CACNG3: variants seen among roughly 807,000 people sequenced by gnomAD.
CACNG3 encodes the protein voltage-dependent calcium channel gamma-3 subunit.
A neutral mutation model predicts 28.5 loss-of-function variants in CACNG3; 3 were observed. The ratio of observed to expected loss-of-function variants is 0.11; its 90% CI spans 0.05 to 0.27. The LOEUF (loss-of-function observed/expected upper bound fraction) is 0.27, where lower values mean the gene tolerates loss of function less well. CACNG3 is among the 10% of genes least tolerant of loss of function. CACNG3 has a pLI of 1.00. For missense variants in CACNG3, 236 were observed against 414.4 expected (o/e 0.57, Z 3.74); for synonymous variants, 174 against 162.2 (o/e 1.07, Z -0.55).
At chr16:24,285,365 G>A (rs6497729) in intron 1 of CACNG3, among the ~76,000 whole-genome samples, 102,744 of 152,050 alleles carry the variant, frequency 0.68, 34,847 homozygotes, top group East Asian at 0.82. Context: ...CACCTAGTGA[G>A]ACTATTCAAA....
At chr16:24,327,664 G>A (rs761532303) in intron 1 of CACNG3, among the ~76,000 whole-genome samples, 7 of 151,250 alleles carry the variant, frequency 4.6e-5, no homozygotes, top group Non-Finnish European at 8.8e-5. Context: ...AAAACAGGCC[G>A]GGTGCAGTGG....
chr16:24,281,525 A>T (rs1339910140), intron 1 of CACNG3, among the ~76,000 whole-genome samples: 1 of 152,112 alleles, frequency 6.6e-6, no homozygotes. Context: ...GTGTACTTGA[A>T]TCCAGCATAA....
intron 1 of CACNG3, among the ~76,000 whole-genome samples, chr16:24,312,970 G>GAAAGAAAGAGAAAGAAAGA (rs1899291302): frequency 1.5e-5 from 2 of 130,490 alleles, no homozygotes; most frequent in African/African-American, 5.8e-5. Flanking sequence ...AGAAAGAAAA[G>GAAAGAAAGAGAAAGAAAGA]AAAGAAAGAA....
At chr16:24,312,961 GAAAGAAA>G (rs1899290479) in intron 1 of CACNG3, among the ~76,000 whole-genome samples, 1 of 136,940 alleles carries the variant, frequency 7.3e-6, no homozygotes, top group Non-Finnish European at 1.6e-5. Context: ...GAAAGAGAAA[GAAAGAAA>G]AGAAAGAAAG....
chr16:24,327,540 A>G (rs984040792), intron 1 of CACNG3, among the ~76,000 whole-genome samples: 1 of 147,626 alleles, frequency 6.8e-6, no homozygotes, highest in Non-Finnish European at 1.5e-5. Flanking sequence ...GGATCGTTTG[A>G]GCTCAGGAGT....
At chr16:24,360,766 C>T (rs1039357758) in intron 3 of CACNG3, among the ~76,000 whole-genome samples, 1 of 152,192 alleles carries the variant, frequency 6.6e-6, no homozygotes, top group African/African-American at 2.4e-5. Context: ...ATTCTCAATG[C>T]CTTCTCTCAC....
At chr16:24,357,038 A>T (rs1900041344) in intron 3 of CACNG3, among the ~76,000 whole-genome samples, 1 of 152,008 alleles carries the variant, frequency 6.6e-6, no homozygotes. Flanking sequence ...AGTTTGAGAC[A>T]ATCCTGGCCA....
intron 1 of CACNG3, among the ~76,000 whole-genome samples, chr16:24,327,351 A>G (rs1289216676): frequency 6.7e-6 from 1 of 149,192 alleles, no homozygotes; most frequent in African/African-American, 2.5e-5. Flanking sequence ...TTGAGCCCTC[A>G]CTTCGAACTC....
At chr16:24,316,129 G>T (rs1899348873) in intron 1 of CACNG3, among the ~76,000 whole-genome samples, 1 of 151,726 alleles carries the variant, frequency 6.6e-6, no homozygotes, top group South Asian at 2.1e-4. Flanking sequence ...TAAGCAAGTT[G>T]TCCAAGATAA....
At chr16:24,280,208 T>G (rs1481619994) in intron 1 of CACNG3, among the ~76,000 whole-genome samples, 2 of 152,218 alleles carry the variant, frequency 1.3e-5, no homozygotes, top group Non-Finnish European at 2.9e-5. Context: ...AACCGTCATT[T>G]CAGCCCTCTC....
At chr16:24,332,770 C>T (rs943825806) in intron 1 of CACNG3, among the ~76,000 whole-genome samples, 3 of 152,022 alleles carry the variant, frequency 2.0e-5, no homozygotes, top group Non-Finnish European at 4.4e-5. Context: ...AAAATCATTC[C>T]CTACACAGGC....
intron 2 of CACNG3, among the ~76,000 whole-genome samples, chr16:24,348,490 C>G (rs1899899731): frequency 6.6e-6 from 1 of 152,108 alleles, no homozygotes; most frequent in Non-Finnish European, 1.5e-5. Context: ...CAAAAGCCAG[C>G]AATTTCAAGA....
intron 1 of CACNG3, among the ~76,000 whole-genome samples, chr16:24,273,893 G>A (rs1898719709): frequency 1.3e-5 from 2 of 152,074 alleles, no homozygotes; most frequent in African/African-American, 4.8e-5. Context: ...TTAAACACAA[G>A]CCCTGTATAG....
At chr16:24,261,826 T>C (rs1369742160) in intron 1 of CACNG3, among the ~76,000 whole-genome samples, 1 of 152,146 alleles carries the variant, frequency 6.6e-6, no homozygotes, top group Admixed American at 6.5e-5. Flanking sequence ...CATTAGAAGT[T>C]CTCCCATATT....
At position 24,292,113 on chromosome 16, in the gene CACNG3, C is replaced by T. The variant is rs548649444; in HGVS notation, c.211+35148C>T. Among the ~76,000 whole-genome samples, 14 of 152,050 alleles carry T rather than the reference C, an allele frequency of 9.2e-5. No individual in the cohort carries two copies. In the East Asian group the frequency reaches 2.3e-3, roughly 25 times the overall value. ...CAGGTGGAGCGGATAACCGGGCAGG[C>T]GGAGGAGGAAGGCATTCAGGATGAG... On this transcript the variant is annotated intron_variant, in intron 1 of 3. Coordinates refer to ENST00000005284, the MANE Select transcript of CACNG3 (RefSeq NM_006539.4).
intron 1 of CACNG3, among the ~76,000 whole-genome samples, chr16:24,277,801 A>C (rs1166655547): frequency 6.6e-6 from 1 of 151,970 alleles, no homozygotes; most frequent in Non-Finnish European, 1.5e-5. Flanking sequence ...AAAAAAAGTA[A>C]AGGGAAGCCA....
chr16:24,346,707 G>C, intron 1 of CACNG3, 27 bp from the exon 2 acceptor site: 1 of 1,581,456 alleles, frequency 6.3e-7, no homozygotes, highest in Non-Finnish European at 8.7e-7. Context: ...CCTCCCCCAG[G>C]CTCAGAACCC....
chr16:24,280,669 A>C (rs187726810), intron 1 of CACNG3, among the ~76,000 whole-genome samples: 247 of 151,992 alleles, frequency 1.6e-3, no homozygotes, highest in African/African-American at 5.9e-3. Flanking sequence ...CACAAAAATT[A>C]GCTGGGCGTG....
Position 24,256,986 on chromosome 16 carries a change from A to G in CACNG3, c.211+21A>G, listed in dbSNP as rs959572129. The G allele has an allele frequency of 7.2e-7, 1 of 1,391,468 alleles. No individual in the cohort carries two copies. The highest frequency in any genetic ancestry group is 1.2e-5 in the South Asian group (1 of 86,510). 86.2% of individuals were successfully genotyped at this position (1,391,468 alleles called of 1,614,324 possible). A position where few individuals can be genotyped will look rare whatever the true frequency, so the allele number is the denominator to read the frequency against. On this transcript the variant is annotated intron_variant, in intron 1 of 3. Coordinates refer to ENST00000005284, the MANE Select transcript of CACNG3 (RefSeq NM_006539.4). This position sits in a 1 kb window ranked among gnomAD's most constrained non-coding sequence, Gnocchi z 4.6. ...AGAAGGTATTTACAATTTCCTCTCA[A>G]TAGCTCTGAATAATCCAGTTCTGAT...
Sources: allele counts gnomAD v4.1 joint callset (sites outside exome capture counted in the v4.1 genomes callset), GRCh38; gene constraint gnomAD v4.1.1; non-coding constraint Gnocchi (gnomAD v3.1); transcripts MANE v1.5; gene names NCBI Gene and HGNC (gene_info 2026-07-23, HGNC 2026-07-21).